TIMM23: variants seen among roughly 807,000 people sequenced by gnomAD.
The protein encoded by TIMM23 is mitochondrial import inner membrane translocase subunit Tim23.
A neutral mutation model predicts 30.7 loss-of-function variants in TIMM23; 19 were observed. The ratio of observed to expected loss-of-function variants is 0.62; its 90% CI spans 0.43 to 0.91. TIMM23 has a LOEUF of 0.91. Ranked by LOEUF, TIMM23 falls within the 40% of genes least tolerant of loss-of-function variation. The pLI, the probability that TIMM23 is intolerant of heterozygous loss-of-function variation, is 0.00. For missense variants in TIMM23, 202 were observed against 269.2 expected (o/e 0.75, Z 1.75); for synonymous variants, 78 against 98.5 (o/e 0.79, Z 1.23).
At chr10:45,978,356 A>G (rs1837740140) in intron 2 of TIMM23, among the ~76,000 whole-genome samples, 1 of 152,196 alleles carries the variant, frequency 6.6e-6, no homozygotes, top group South Asian at 2.1e-4. Flanking sequence ...CAAAAGGAAA[A>G]AAATTGGGAA....
At chr10:45,997,429 T>G (rs949163768) in intron 6 of TIMM23, among the ~76,000 whole-genome samples, 1 of 152,154 alleles carries the variant, frequency 6.6e-6, no homozygotes, top group East Asian at 1.9e-4. Flanking sequence ...AGAAAAAAAG[T>G]AGAATGGAAG....
intron 6 of TIMM23, among the ~76,000 whole-genome samples, chr10:45,994,667 C>CCTGA (rs1367634847): frequency 7.3e-6 from 1 of 136,254 alleles, no homozygotes; most frequent in African/African-American, 2.8e-5. Context: ...GTCTCAAACT[C>CCTGA]CTGAGCTCAA....
chr10:45,997,078 CA>C (rs1432662617), intron 6 of TIMM23, among the ~76,000 whole-genome samples: 1 of 150,656 alleles, frequency 6.6e-6, no homozygotes, highest in East Asian at 1.9e-4. Flanking sequence ...ACTAAAAATA[CA>C]AAAAATGAGC....
At chr10:45,984,086 C>G (rs1837930411) in intron 4 of TIMM23, among the ~76,000 whole-genome samples, 1 of 140,414 alleles carries the variant, frequency 7.1e-6, no homozygotes, top group African/African-American at 2.6e-5. Context: ...GGATCTCTGT[C>G]CATGCTTTAC....
At position 45,993,391 on chromosome 10, in the gene TIMM23, T is replaced by TA. The variant is rs1480014254; in HGVS notation, c.514+4545dup. Among the ~76,000 whole-genome samples, 6 of 152,152 alleles carry TA rather than the reference T, an allele frequency of 3.9e-5. No homozygotes were observed. The South Asian group carries it at 8.3e-4, about 21-fold the overall frequency. ...CCTCATCCTCCCGAGTAGCTGGAAT[T>TA]ACACGCATGCACCACGATGCCTGGC... On this transcript the variant is annotated intron_variant, in intron 6 of 6. Coordinates refer to ENST00000580018, the MANE Select transcript of TIMM23 (RefSeq NM_006327.4).
intron 1 of TIMM23, among the ~76,000 whole-genome samples, chr10:45,975,223 T>G (rs1348475612): frequency 1.3e-5 from 2 of 152,348 alleles, no homozygotes; most frequent in East Asian, 3.9e-4. Context: ...GCAATTATCT[T>G]ATTGGTGTAA....
chr10:45,984,410 A>G (rs1837940812), intron 4 of TIMM23, among the ~76,000 whole-genome samples: 1 of 152,236 alleles, frequency 6.6e-6, no homozygotes, highest in African/African-American at 2.4e-5. Context: ...AAAAATGAAA[A>G]AATGATGGCT....
At chr10:45,990,115 A>G (rs1456963455) in intron 6 of TIMM23, among the ~76,000 whole-genome samples, 1 of 138,044 alleles carries the variant, frequency 7.2e-6, no homozygotes, top group Non-Finnish European at 1.6e-5. Flanking sequence ...GGCAACTTTT[A>G]ATTTTTTTTT....
intron 1 of TIMM23, among the ~76,000 whole-genome samples, chr10:45,973,571 A>T (rs1469386134): frequency 2.0e-5 from 3 of 152,242 alleles, no homozygotes; most frequent in Admixed American, 6.5e-5. Flanking sequence ...AAAATATAAA[A>T]GACCTTTCAT....
chr10:45,998,937 A>G (rs941317167), intron 6 of TIMM23, among the ~76,000 whole-genome samples: 2 of 151,124 alleles, frequency 1.3e-5, no homozygotes, highest in South Asian at 2.1e-4. Flanking sequence ...GGTTCAAGCA[A>G]TTCTTTTGCT....
chr10:45,981,985 G>A (rs1164380415), intron 2 of TIMM23, among the ~76,000 whole-genome samples: 1 of 152,068 alleles, frequency 6.6e-6, no homozygotes, highest in Non-Finnish European at 1.5e-5. Flanking sequence ...TAGAAATAGG[G>A]TCTATAGCTT....
chr10:45,973,748 A>G (rs1240791011), intron 1 of TIMM23, among the ~76,000 whole-genome samples: 5 of 151,634 alleles, frequency 3.3e-5, no homozygotes, highest in African/African-American at 7.3e-5. Context: ...AGCTCAAACA[A>G]TCCTCCCCTC....
At chr10:46,001,053 G>T (rs376727716) in intron 6 of TIMM23, among the ~76,000 whole-genome samples, 2 of 152,146 alleles carry the variant, frequency 1.3e-5, no homozygotes, top group African/African-American at 4.8e-5. Flanking sequence ...GTGCCTCATG[G>T]CTTATTTTTT....
intron 2 of TIMM23, among the ~76,000 whole-genome samples, chr10:45,976,823 A>G (rs1233091661): frequency 1.3e-5 from 2 of 152,236 alleles, no homozygotes; most frequent in South Asian, 2.1e-4. Context: ...AAGTTGAGAA[A>G]GAAGTTAAAC....
chr10:45,998,457 G>A (rs1395832512), intron 6 of TIMM23: 15 of 911,202 alleles, frequency 1.6e-5, no homozygotes, highest in Middle Eastern at 5.6e-4. Context: ...GGCCTTATTT[G>A]GTTACTCTGT....
intron 6 of TIMM23, among the ~76,000 whole-genome samples, chr10:45,995,262 A>G (rs587611305): frequency 1.8e-4 from 27 of 151,926 alleles, no homozygotes; most frequent in Non-Finnish European, 3.2e-4. Flanking sequence ...GTTAGACTCT[A>G]ATTTCTTTTG....
At chr10:46,002,393 C>T (rs1838571908) in intron 6 of TIMM23, 14 of 406,194 alleles carry the variant, frequency 3.4e-5, no homozygotes, top group Non-Finnish European at 4.7e-5. Flanking sequence ...CTAGGTTGTT[C>T]TCAAACTCCT....
rs879964246 is a variant in TIMM23, at chr10:45,972,523, C to A, written c.-102C>A. On this transcript the variant is annotated 5_prime_UTR_variant, in exon 1 of 7. Coordinates refer to ENST00000580018, the MANE Select transcript of TIMM23 (RefSeq NM_006327.4). ...CCGGAAGGTCAGCGTGTGAAGTAGG[C>A]GCTGGCAACGCGGGGTTACCCGCTG... 1.1e-5 allele frequency: 16 copies of A among 1,469,932 alleles called. No individual in the cohort carries two copies. Among genetic ancestry groups the A allele is most frequent in the South Asian group, 9.2e-5 (7 of 75,820 alleles). The allele number at this position is 1,469,932 out of a possible 1,614,324, so 91.1% of individuals were successfully genotyped here.
chr10:45,973,839 G>A (rs1304953343), intron 1 of TIMM23, among the ~76,000 whole-genome samples: 3 of 150,812 alleles, frequency 2.0e-5, no homozygotes, highest in Non-Finnish European at 2.9e-5. Flanking sequence ...TTATTGTGGA[G>A]ATGGGGTCTC....
Sources: allele counts gnomAD v4.1 joint callset (sites outside exome capture counted in the v4.1 genomes callset), GRCh38; gene constraint gnomAD v4.1.1; transcripts MANE v1.5; gene names NCBI Gene and HGNC (gene_info 2026-07-23, HGNC 2026-07-21).